Variants in CAST observed in about 807,000 individuals in gnomAD.
The protein encoded by CAST is calpastatin.
CAST carries 76 observed loss-of-function variants against 119.6 expected under a neutral mutation model. The observed-to-expected ratio is 0.64, with a 90% CI of 0.53 to 0.77. The LOEUF is 0.77. CAST is among the 30% of genes least tolerant of loss of function. The probability of loss-of-function intolerance (pLI) is 0.00; values close to 1 mark genes in which losing one functional copy is unlikely to be tolerated. For synonymous variants in CAST, 319 were observed against 331.6 expected, an observed-to-expected ratio of 0.96 and a Z score of 0.41; for missense variants, 953 against 946.5, an observed-to-expected ratio of 1.01 and a Z score of -0.09.
chr5:96,754,179 G>A lies in CAST; in HGVS notation c.1626+18G>A. The A allele has an allele frequency of 1.4e-6, 2 of 1,400,826 alleles. No individual in the cohort carries two copies. The highest frequency in any genetic ancestry group is 2.0e-6 in the Non-Finnish European group (2 of 985,420). The allele number at this position is 1,400,826 out of a possible 1,614,324, so 86.8% of individuals were successfully genotyped here. A position where few individuals can be genotyped will look rare whatever the true frequency, so the allele number is the denominator to read the frequency against. ...AAGTCAAGGTAATGGCAACTGAGATGCTTCTGGAAAATAAATATCATTGAT... is the reference window on the plus strand; with the variant it reads ...AAGTCAAGGTAATGGCAACTGAGATACTTCTGGAAAATAAATATCATTGAT... On this transcript the variant is annotated intron_variant, in intron 21 of 31. Transcript: ENST00000675179.
intron 25 of CAST, among the ~76,000 whole-genome samples, chr5:96,764,600 T>G (rs537106818): frequency 6.6e-6 from 1 of 152,262 alleles, no homozygotes; most frequent in Non-Finnish European, 1.5e-5. Context: ...CCAGATTGTC[T>G]CTGGGGTTTT....
chr5:95,973,664 C>T, the CAST span, among the ~76,000 whole-genome samples: 4 of 152,170 alleles, frequency 2.6e-5, no homozygotes, highest in Admixed American at 2.0e-4. Context: ...TGTATTTCTG[C>T]ACTCTATGCT....
At chr5:96,228,530 CT>C in the CAST span, among the ~76,000 whole-genome samples, 49,572 of 152,028 alleles carry the variant, frequency 0.33, 8,415 homozygotes, top group Admixed American at 0.43. Context: ...AAGTATGGTA[CT>C]GCAGTAAATT....
the CAST span, among the ~76,000 whole-genome samples, chr5:96,229,779 T>C: frequency 6.6e-6 from 1 of 152,192 alleles, no homozygotes; most frequent in Non-Finnish European, 1.5e-5. Flanking sequence ...ATATAAGAAA[T>C]GTGAAGAGGA....
At chr5:96,114,005 CT>C in the CAST span, among the ~76,000 whole-genome samples, 1 of 152,176 alleles carries the variant, frequency 6.6e-6, no homozygotes, top group Non-Finnish European at 1.5e-5. Context: ...CTCTTAGGCT[CT>C]TCTAGAATTT....
In CAST at chr5:96,590,042, C is replaced by T. The variant is rs116696638; in HGVS notation, c.60+60162C>T. Reference sequence around the variant, plus strand: ...TAGAGCACTTACAATTTGAAACAGGCTGTTTTATACTGTTTCTGATGCTCT... The same window carrying T: ...TAGAGCACTTACAATTTGAAACAGGTTGTTTTATACTGTTTCTGATGCTCT... On this transcript the variant is annotated intron_variant, in intron 1 of 11. Transcript: ENST00000505143. Among the ~76,000 whole-genome samples the T allele has an allele frequency of 4.4e-3, 665 of 152,272 alleles. 14 individuals are homozygous for T. The highest frequency in any genetic ancestry group is 0.038 in the Admixed American group (577 of 15,280).
At chr5:96,320,228 CTTTTTTT>C in the CAST span, among the ~76,000 whole-genome samples, 33 of 97,368 alleles carry the variant, frequency 3.4e-4, no homozygotes, top group Admixed American at 3.8e-4. Flanking sequence ...AAGGCTTTTG[CTTTTTTT>C]TTTTTTTTTT....
chr5:96,578,912 A>G (rs1182574372), intron 1 of CAST, among the ~76,000 whole-genome samples: 1 of 152,118 alleles, frequency 6.6e-6, no homozygotes, highest in African/African-American at 2.4e-5. Flanking sequence ...TTCCAATAGC[A>G]GTTTAATTTT....
the CAST span, among the ~76,000 whole-genome samples, chr5:96,221,065 C>T: frequency 6.6e-6 from 1 of 152,052 alleles, no homozygotes; most frequent in African/African-American, 2.4e-5. Context: ...TGTCACTTTG[C>T]CCTCCCTTGG....
At chr5:96,142,161 C>G in the CAST span, among the ~76,000 whole-genome samples, 1 of 152,110 alleles carries the variant, frequency 6.6e-6, no homozygotes, top group African/African-American at 2.4e-5. Context: ...ACCTGTAATC[C>G]CAGTACTCTG....
chr5:96,174,186 T>C, the CAST span, among the ~76,000 whole-genome samples: 511 of 152,322 alleles, frequency 3.4e-3, 2 homozygotes, highest in South Asian at 6.8e-3. Flanking sequence ...CAAAGAGATG[T>C]TGAGATTCCC....
chr5:96,170,075 C>T, the CAST span, among the ~76,000 whole-genome samples: 1 of 152,170 alleles, frequency 6.6e-6, no homozygotes, highest in Non-Finnish European at 1.5e-5. Context: ...GACTTACCCT[C>T]CACTGTGAGA....
chr5:96,009,446 G>A, the CAST span, among the ~76,000 whole-genome samples: 2 of 151,930 alleles, frequency 1.3e-5, no homozygotes, highest in African/African-American at 2.4e-5. Context: ...TTCCTCTGCA[G>A]CCTCACCATC....
At chr5:96,104,224 A>C in the CAST span, among the ~76,000 whole-genome samples, 3 of 152,126 alleles carry the variant, frequency 2.0e-5, no homozygotes, top group Admixed American at 2.0e-4. Flanking sequence ...GCGGTGCAGA[A>C]GCTCTTTAGT....
chr5:96,293,069 G>T, the CAST span, among the ~76,000 whole-genome samples: 1 of 152,196 alleles, frequency 6.6e-6, no homozygotes, highest in African/African-American at 2.4e-5. Context: ...CTCTGGCCGG[G>T]ATTCAACCCT....
At chr5:96,534,835 A>AGGG (rs1245224695) in intron 1 of CAST, among the ~76,000 whole-genome samples, 5 of 143,572 alleles carry the variant, frequency 3.5e-5, no homozygotes, top group Middle Eastern at 7.1e-3. Flanking sequence ...GAAAGAAGGA[A>AGGG]AGAAGGAAGG....
At chr5:96,212,474 G>A in the CAST span, among the ~76,000 whole-genome samples, 1 of 152,066 alleles carries the variant, frequency 6.6e-6, no homozygotes, top group African/African-American at 2.4e-5. Context: ...CTTTAAATTT[G>A]TTGAGGTTTG....
the CAST span, among the ~76,000 whole-genome samples, chr5:95,988,240 C>A: frequency 6.6e-6 from 1 of 152,192 alleles, no homozygotes; most frequent in African/African-American, 2.4e-5. Flanking sequence ...AAATAATGAT[C>A]TTTTCTCCCT....
the CAST span, among the ~76,000 whole-genome samples, chr5:96,107,993 C>A: frequency 6.6e-6 from 1 of 152,140 alleles, no homozygotes; most frequent in Non-Finnish European, 1.5e-5. Flanking sequence ...ATTGCTGATA[C>A]CCTTTCTTCC....
Sources: allele counts gnomAD v4.1 joint callset (sites outside exome capture counted in the v4.1 genomes callset), GRCh38; gene constraint gnomAD v4.1.1; transcripts MANE v1.5; gene names NCBI Gene and HGNC (gene_info 2026-07-23, HGNC 2026-07-21).